The following TENM2 variants were observed in gnomAD, a reference collection of about 807,000 sequenced individuals.
The protein encoded by TENM2 is teneurin transmembrane protein 2, also known as teneurin-2.
A neutral mutation model predicts 245.2 loss-of-function variants in TENM2; 52 were observed. The ratio of observed to expected loss-of-function variants is 0.21; its 90% confidence interval spans 0.17 to 0.27. The LOEUF (loss-of-function observed/expected upper bound fraction) is 0.27. Ranked by LOEUF, TENM2 falls within the 10% of genes least tolerant of loss-of-function variation. The pLI, the probability that TENM2 is intolerant of heterozygous loss-of-function variation, is 1.00. For synonymous variants in TENM2, 1,363 were observed against 1,438.9 expected, an observed-to-expected ratio of 0.95 and a Z score of 1.19; for missense variants, 3,046 against 3,666.8, an observed-to-expected ratio of 0.83 and a Z score of 4.37.
At chr5:167,602,380 G>A (rs1277306358) in intron 2 of TENM2, among the ~76,000 whole-genome samples, 2 of 151,990 alleles carry the variant, frequency 1.3e-5, no homozygotes, top group African/African-American at 4.8e-5. Context: ...GATGACGTGT[G>A]TGTGTCACCT....
At chr5:167,629,352 T>G (rs1416359561) in intron 2 of TENM2, among the ~76,000 whole-genome samples, 2 of 152,200 alleles carry the variant, frequency 1.3e-5, no homozygotes, top group East Asian at 3.8e-4. Flanking sequence ...TTTCTGAAGA[T>G]TAAATGAGAT....
intron 2 of TENM2, among the ~76,000 whole-genome samples, chr5:167,464,128 T>A (rs1410606073): frequency 6.6e-6 from 1 of 152,198 alleles, no homozygotes; most frequent in Non-Finnish European, 1.5e-5. Context: ...TTGTGTCAGA[T>A]TTAATTGCTG....
At chr5:167,144,264 T>C in the TENM2 span, among the ~76,000 whole-genome samples, 2 of 152,164 alleles carry the variant, frequency 1.3e-5, no homozygotes, top group East Asian at 1.9e-4. Flanking sequence ...TGCATGGGAT[T>C]GTACTCTTCT....
chr5:168,248,436 T>C, intron 27 of TENM2, 65 bp downstream of exon 29: 1 of 1,505,422 alleles, frequency 6.6e-7, no homozygotes, highest in Non-Finnish European at 8.9e-7. Flanking sequence ...TGTGGGGAAC[T>C]TGGGAGGAAG....
chr5:167,758,797 T>G lies in TENM2; in HGVS notation c.503-117189T>G, dbSNP rs756506239. ...TCCAGAAACCTTGACCACAACTGTT[T>G]AAATAGTCCCCTTATTAAACTCTCT... On this transcript the variant is annotated intron_variant, in intron 2 of 28. Transcript: ENST00000518659. Among the ~76,000 whole-genome samples the G allele has an allele frequency of 9.2e-5, 14 of 152,078 alleles. 1 individual carries two copies. Among genetic ancestry groups the G allele is most frequent in the Non-Finnish European group, 2.1e-4 (14 of 68,010 alleles).
At position 167,321,782 on chromosome 5, in the gene TENM2, C is replaced by CTTT. The variant is rs1191717159; in HGVS notation, c.226+36721_226+36722insTTT. Among the ~76,000 whole-genome samples, 120 of 59,748 alleles carry CTTT rather than the reference C, an allele frequency of 2.0e-3. 6 individuals are homozygous for CTTT. The highest frequency in any genetic ancestry group is 2.9e-3 in the African/African-American group (45 of 15,370). 39.2% of individuals were successfully genotyped at this position (59,748 alleles called of 152,430 possible). A position where few individuals can be genotyped will look rare whatever the true frequency, so the allele number is the denominator to read the frequency against. ...TGAATCTGTTGTCTTGCTGCCTTGG[C>CTTT]TTATTTTTTTTTTTTTTTTGGGGGG... On this transcript the variant is annotated intron_variant, in intron 1 of 28. Coordinates refer to ENST00000518659, the Ensembl canonical transcript of TENM2.
chr5:167,959,164 A>C (rs1469121574), intron 4 of TENM2, among the ~76,000 whole-genome samples: 1 of 149,750 alleles, frequency 6.7e-6, no homozygotes, highest in East Asian at 1.9e-4. Context: ...TATTTCTTGG[A>C]GGCTTAGTTC....
chr5:168,037,129 A>G (rs999173154), intron 5 of TENM2, among the ~76,000 whole-genome samples: 2 of 152,192 alleles, frequency 1.3e-5, no homozygotes, highest in Non-Finnish European at 2.9e-5. Context: ...ACTTAAAACC[A>G]TTTGCAAGAG....
At chr5:168,246,877 A>G (rs749834150) in exon 27 of TENM2, 2 of 1,613,784 alleles carry the variant, frequency 1.2e-6, no homozygotes, top group Non-Finnish European at 1.7e-6. Flanking sequence ...ACACACCTCC[A>G]TCGGCTACAT....
chr5:167,252,969 T>A, the TENM2 span, among the ~76,000 whole-genome samples: 1 of 152,166 alleles, frequency 6.6e-6, no homozygotes, highest in African/African-American at 2.4e-5. Context: ...AATGATCTTG[T>A]TCTTCTTTTG....
chr5:167,944,598 A>G (rs1227788740), intron 3 of TENM2, among the ~76,000 whole-genome samples: 1 of 152,200 alleles, frequency 6.6e-6, no homozygotes, highest in Non-Finnish European at 1.5e-5. Context: ...GGGAATTGCC[A>G]TTTCCATGAA....
rs901571706 is a variant in TENM2, at chr5:167,437,698, G to A, written c.502+62225G>A. Reference sequence around the variant, plus strand: ...ACCCGGTGGGAGGTCATTGAATTACGGCTGCGGGTCTTTCCTGCCCTGTTC... The same window carrying A: ...ACCCGGTGGGAGGTCATTGAATTACAGCTGCGGGTCTTTCCTGCCCTGTTC... On this transcript the variant is annotated intron_variant, in intron 2 of 28. Coordinates refer to ENST00000518659, the Ensembl canonical transcript of TENM2. Among the ~76,000 whole-genome samples the A allele has an allele frequency of 4.6e-5, 7 of 151,990 alleles. No homozygotes were observed. The South Asian group carries it at 1.3e-3, about 27-fold the overall frequency.
chr5:168,088,074 G>T (rs768239210), intron 7 of TENM2: 2 of 152,206 alleles, frequency 1.3e-5, no homozygotes, highest in Non-Finnish European at 2.9e-5. Context: ...AGCCATTTCT[G>T]TTTCCCTTGG....
chr5:167,815,574 C>G (rs1247410123), intron 2 of TENM2, among the ~76,000 whole-genome samples: 2 of 152,164 alleles, frequency 1.3e-5, no homozygotes, highest in Non-Finnish European at 2.9e-5. Context: ...TGGCTGTGAA[C>G]ACTTCTGGGG....
the TENM2 span, among the ~76,000 whole-genome samples, chr5:167,066,530 C>T: frequency 6.9e-6 from 1 of 144,054 alleles, no homozygotes; most frequent in South Asian, 2.4e-4. Context: ...ATCCTTCCCC[C>T]CTCCCCCCTC....
intron 1 of TENM2, among the ~76,000 whole-genome samples, chr5:167,367,715 C>T (rs1296307739): frequency 1.3e-5 from 2 of 151,952 alleles, no homozygotes; most frequent in South Asian, 4.1e-4. Context: ...ATGGCTCACA[C>T]ATATCTACAA....
At chr5:167,212,917 A>G in the TENM2 span, among the ~76,000 whole-genome samples, 1 of 152,204 alleles carries the variant, frequency 6.6e-6, no homozygotes, top group South Asian at 2.1e-4. Context: ...TCTTTTGACT[A>G]GTATGTGACA....
At chr5:167,105,173 C>T in the TENM2 span, among the ~76,000 whole-genome samples, 1 of 152,096 alleles carries the variant, frequency 6.6e-6, no homozygotes, top group South Asian at 2.1e-4. Flanking sequence ...ATGTTTGTAG[C>T]ATACTGATGT....
intron 3 of TENM2, among the ~76,000 whole-genome samples, chr5:167,891,110 A>G (rs975226602): frequency 3.3e-5 from 5 of 152,124 alleles, no homozygotes; most frequent in Admixed American, 6.5e-5. Flanking sequence ...ACCTATTCAC[A>G]TGTATTTAAA....
Sources: gnomAD v4.1 joint callset for allele counts (sites outside exome capture counted in the v4.1 genomes callset) on GRCh38, gnomAD v4.1.1 for gene constraint, MANE v1.5 for transcripts, NCBI Gene and HGNC (gene_info 2026-07-23, HGNC 2026-07-21) for gene names.